Variants in NBAS observed in about 807,000 individuals in gnomAD.
NBAS encodes NAG/BC035112 fusion.
In NBAS, 219 loss-of-function variants were observed where a neutral mutation model predicts 302.5. The ratio of observed to expected loss-of-function variants is 0.72; its 90% CI spans 0.65 to 0.81. The LOEUF is 0.81. Among genes scored for constraint, NBAS ranks in the 30% least tolerant of loss-of-function variants. The probability of loss-of-function intolerance (pLI) is 0.00; values close to 1 mark genes in which losing one functional copy is unlikely to be tolerated. For missense variants in NBAS, 2,932 were observed against 2,841.6 expected (o/e 1.03, Z -0.72); for synonymous variants, 1,118 against 1,021.6 (o/e 1.09, Z -1.80).
the NBAS span, among the ~76,000 whole-genome samples, chr2:14,965,189 G>A: frequency 6.5e-4 from 99 of 152,098 alleles, no homozygotes; most frequent in African/African-American, 2.3e-3. Context: ...AGATCACAAT[G>A]GAAATTGATA....
intron 38 of NBAS, among the ~76,000 whole-genome samples, chr2:15,316,575 A>C (rs1671521089): frequency 6.6e-6 from 1 of 152,240 alleles, no homozygotes; most frequent in African/African-American, 2.4e-5. Context: ...AGATTCTCTC[A>C]CCTGCCTGGC....
chr2:15,351,918 C>T, intron 35 of NBAS, 74 bp downstream of exon 35: 2 of 1,097,232 alleles, frequency 1.8e-6, no homozygotes, highest in South Asian at 1.3e-5. Context: ...CCCCTCTCAT[C>T]CACAAGGTTA....
chr2:15,212,481 A>G (rs1254929339), intron 48 of NBAS, among the ~76,000 whole-genome samples: 1 of 152,162 alleles, frequency 6.6e-6, no homozygotes, highest in Non-Finnish European at 1.5e-5. Flanking sequence ...CACCTCTTCA[A>G]GAGCAGTGAG....
the NBAS span, among the ~76,000 whole-genome samples, chr2:15,075,177 T>A: frequency 6.6e-6 from 1 of 152,282 alleles, no homozygotes; most frequent in Non-Finnish European, 1.5e-5. Flanking sequence ...TGGTAAGTGA[T>A]GAGATGAACA....
chr2:15,060,515 A>T, the NBAS span, among the ~76,000 whole-genome samples: 1 of 152,118 alleles, frequency 6.6e-6, no homozygotes, highest in Non-Finnish European at 1.5e-5. Flanking sequence ...CCTGGGAGGC[A>T]TCGGTGACAA....
rs765147637 is a variant in NBAS, at chr2:15,551,556, A to G, written c.336-20T>C. 6.2e-7 allele frequency: 1 copy of G among 1,600,548 alleles called. No individual in the cohort carries two copies. The highest frequency in any genetic ancestry group is 8.5e-7 in the Non-Finnish European group (1 of 1,170,584). ...GCAGACCTGTAAAACATGCAAAATCAAGGCAAAAGTTTTATCGTAACACTG... is the reference window on the plus strand; with the variant it reads ...GCAGACCTGTAAAACATGCAAAATCGAGGCAAAAGTTTTATCGTAACACTG... On this transcript the variant is annotated intron_variant, in intron 5 of 51. Transcript: ENST00000281513.
the NBAS span, among the ~76,000 whole-genome samples, chr2:15,144,046 A>ATATATATATATATATATTATCCTATATAT: frequency 5.7e-5 from 6 of 104,550 alleles, no homozygotes; most frequent in East Asian, 4.4e-4. Context: ...CCTATATATA[A>ATATATATATATATATATTATCCTATATAT]AAATATATAT....
chr2:15,140,114 A>T, the NBAS span, among the ~76,000 whole-genome samples: 3 of 152,234 alleles, frequency 2.0e-5, no homozygotes, highest in African/African-American at 7.2e-5. Flanking sequence ...GTTGTGAGGA[A>T]GCCCAAGTAG....
At chr2:15,501,484 T>C (rs1239823474) in intron 11 of NBAS, among the ~76,000 whole-genome samples, 1 of 152,052 alleles carries the variant, frequency 6.6e-6, no homozygotes, top group Non-Finnish European at 1.5e-5. Context: ...ATCTGCAATA[T>C]GACAATCACT....
At chr2:14,958,989 G>A in the NBAS span, among the ~76,000 whole-genome samples, 31 of 152,172 alleles carry the variant, frequency 2.0e-4, no homozygotes, top group Admixed American at 1.0e-3. Context: ...AGAGGCTTGG[G>A]TGACCCACAT....
At chr2:15,080,910 G>A in the NBAS span, among the ~76,000 whole-genome samples, 1 of 152,176 alleles carries the variant, frequency 6.6e-6, no homozygotes, top group African/African-American at 2.4e-5. Flanking sequence ...ACATTCTTCT[G>A]TTGGTCACAA....
intron 32 of NBAS, among the ~76,000 whole-genome samples, chr2:15,365,162 C>T (rs1407287139): frequency 6.6e-6 from 1 of 152,192 alleles, no homozygotes; most frequent in Non-Finnish European, 1.5e-5. Context: ...TTTGTATCCA[C>T]AGTACGTAGC....
At chr2:14,780,170 G>A in the NBAS span, among the ~76,000 whole-genome samples, 2 of 152,170 alleles carry the variant, frequency 1.3e-5, no homozygotes, top group Non-Finnish European at 2.9e-5. Flanking sequence ...AGTAAAATGG[G>A]GATAATAGTA....
At chr2:15,202,094 C>T (rs1192536606) in intron 48 of NBAS, among the ~76,000 whole-genome samples, 1 of 152,302 alleles carries the variant, frequency 6.6e-6, no homozygotes, top group East Asian at 1.9e-4. Flanking sequence ...CACAGAAAGT[C>T]TCTCCTAGGG....
chr2:15,031,848 A>G, the NBAS span, among the ~76,000 whole-genome samples: 8 of 152,330 alleles, frequency 5.3e-5, no homozygotes, highest in African/African-American at 1.7e-4. Context: ...GTGAAAGAGA[A>G]CTGGCTGGAG....
chr2:14,797,837 T>G, the NBAS span, among the ~76,000 whole-genome samples: 1 of 152,052 alleles, frequency 6.6e-6, no homozygotes, highest in African/African-American at 2.4e-5. Context: ...GTCACGGAGG[T>G]CTCTGGCTGG....
chr2:15,099,166 G>A, the NBAS span, among the ~76,000 whole-genome samples: 1 of 152,062 alleles, frequency 6.6e-6, no homozygotes, highest in Non-Finnish European at 1.5e-5. Context: ...AGCCAGGCAT[G>A]ATGGTGCATG....
intron 16 of NBAS, among the ~76,000 whole-genome samples, chr2:15,468,760 T>C (rs1228887812): frequency 6.6e-6 from 1 of 152,206 alleles, no homozygotes; most frequent in African/African-American, 2.4e-5. Flanking sequence ...CTTCCTCTAA[T>C]GAGCTACGCA....
intron 51 of NBAS, among the ~76,000 whole-genome samples, chr2:15,172,376 T>A (rs1455462991): frequency 2.0e-5 from 3 of 152,362 alleles, no homozygotes; most frequent in African/African-American, 7.2e-5. Context: ...ATTCTCTGTA[T>A]AACTGAAATC....
Sources: gnomAD v4.1 joint callset for allele counts (sites outside exome capture counted in the v4.1 genomes callset) on GRCh38, gnomAD v4.1.1 for gene constraint, MANE v1.5 for transcripts, NCBI Gene and HGNC (gene_info 2026-07-23, HGNC 2026-07-21) for gene names.